GAB3: variants seen among roughly 807,000 people sequenced by gnomAD.
GAB3 encodes GRB2 associated binding protein 3.
Under a neutral mutation model 40.4 loss-of-function variants are expected in GAB3, and 12 were observed. The observed-to-expected ratio is 0.30, with a 90% CI of 0.19 to 0.48. The LOEUF (loss-of-function observed/expected upper bound fraction) is 0.48, where lower values mean the gene tolerates loss of function less well. Among genes scored for constraint, GAB3 ranks in the 20% least tolerant of loss-of-function variants. GAB3 has a pLI of 0.99. For missense variants in GAB3, 381 were observed against 461.9 expected (o/e 0.82, Z 1.61); for synonymous variants, 154 against 176.7 (o/e 0.87, Z 1.02).
chrX:154,710,442 TGGACAAG>T (rs1557255551), intron 4 of GAB3, among the ~76,000 whole-genome samples: 20 of 111,935 alleles, frequency 1.8e-4, no homozygotes, highest in African/African-American at 6.5e-4. Context: ...TGGTGCAAGC[TGGACAAG>T]TAGGCTCCAA....
At chrX:154,746,697 C>T (rs2071534493) in intron 1 of GAB3, among the ~76,000 whole-genome samples, 1 of 112,480 alleles carries the variant, frequency 8.9e-6, no homozygotes, top group African/African-American at 3.2e-5. Context: ...TTCTATGCAA[C>T]ATTTATAGTA....
intron 8 of GAB3, among the ~76,000 whole-genome samples, chrX:154,694,075 A>G (rs2070613557): frequency 8.9e-6 from 1 of 111,902 alleles, no homozygotes; most frequent in African/African-American, 3.3e-5. Flanking sequence ...CACAAAATCA[A>G]AGTCAAATCA....
At chrX:154,694,385 TTC>T (rs2070619101) in intron 8 of GAB3, among the ~76,000 whole-genome samples, 1 of 109,129 alleles carries the variant, frequency 9.2e-6, no homozygotes, top group African/African-American at 3.3e-5. Context: ...ACACTGATCT[TTC>T]TCTGTTTTTT....
At chrX:154,721,880 C>G in intron 1 of GAB3, among the ~76,000 whole-genome samples, 1 of 111,372 alleles carries the variant, frequency 9.0e-6, no homozygotes, top group Non-Finnish European at 1.9e-5. Flanking sequence ...GAAATTAGAC[C>G]TACCACATGA....
intron 1 of GAB3, among the ~76,000 whole-genome samples, chrX:154,731,020 C>T (rs1378875189): frequency 8.9e-6 from 1 of 112,157 alleles, no homozygotes; most frequent in Non-Finnish European, 1.9e-5. Context: ...GATAAGTACA[C>T]CAAGAGGTCT....
intron 4 of GAB3, among the ~76,000 whole-genome samples, chrX:154,709,978 C>T (rs1328241763): frequency 5.4e-5 from 6 of 111,995 alleles, no homozygotes; most frequent in African/African-American, 2.0e-4. Flanking sequence ...AAGGTACAAA[C>T]TTTCAGTGAT....
intron 1 of GAB3, among the ~76,000 whole-genome samples, chrX:154,744,315 G>A (rs1439818203): frequency 2.8e-5 from 3 of 107,488 alleles, no homozygotes; most frequent in African/African-American, 1.0e-4. Flanking sequence ...AGAGAGGTTA[G>A]AAGTAAAAGA....
At chrX:154,685,837 G>A (rs1374043906) in intron 8 of GAB3, among the ~76,000 whole-genome samples, 1 of 111,758 alleles carries the variant, frequency 8.9e-6, no homozygotes, top group African/African-American at 3.2e-5. Flanking sequence ...TTACATAAAT[G>A]GTGCCAACCA....
At chrX:154,690,105 C>T (rs1202677061) in intron 8 of GAB3, among the ~76,000 whole-genome samples, 3 of 108,383 alleles carry the variant, frequency 2.8e-5, no homozygotes, top group African/African-American at 1.0e-4. Context: ...CCCTCAGAAA[C>T]AACGCCGCAT....
At chrX:154,747,467 AT>A (rs1258341039) in intron 1 of GAB3, among the ~76,000 whole-genome samples, 5 of 112,568 alleles carry the variant, frequency 4.4e-5, no homozygotes, top group Non-Finnish European at 9.4e-5. Flanking sequence ...TGGATCATAG[AT>A]CTAAATATAA....
rs1183408286 is a variant in GAB3, at chrX:154,712,381, T to C, written c.917A>G (p.Asn306Ser). ...CTTAGGGGGGCGGGGAGGTGGAGTG[T>C]TGGACATAATGTCTAGTTCTTTTGC... ...CGAKELDIMS[N>S]TPPPRPPKPS... Residue 306 changes from asparagine (N) to serine (S), a missense_variant, in exon 4 of 10, where the codon AAC becomes AGC. By Grantham distance (46) the Asn-to-Ser change is conservative (BLOSUM62 1). This residue lies in a region of GAB3 where 364 missense variants were observed against 421.0 expected (regional missense o/e 0.86). Coordinates refer to ENST00000424127, the MANE Select transcript of GAB3 (RefSeq NM_001081573.3). The C allele has an allele frequency of 4.1e-6, 5 of 1,209,846 alleles. No homozygotes were observed. The African/African-American group carries it at 8.8e-5, about 21-fold the overall frequency.
rs782474584 is a variant in GAB3, at chrX:154,696,575, C to T, written c.1428-556G>A. Among the ~76,000 whole-genome samples, 18 of 111,772 alleles carry T rather than the reference C, an allele frequency of 1.6e-4. 1 individual carries two copies. In the South Asian group the frequency reaches 6.9e-3, roughly 43 times the overall value. ...AAGCTCAGGACTAAAAATGCAACTT[C>T]TAAAAGGTGAGATGAAAGGGTGCAA... On this transcript the variant is annotated intron_variant, in intron 7 of 9. Coordinates refer to ENST00000424127, the MANE Select transcript of GAB3 (RefSeq NM_001081573.3).
intron 8 of GAB3, among the ~76,000 whole-genome samples, chrX:154,686,769 G>A (rs1225588561): frequency 9.1e-6 from 1 of 110,299 alleles, no homozygotes; most frequent in Non-Finnish European, 1.9e-5. Context: ...GTCATTGGAA[G>A]CTGAAATTTA....
chrX:154,728,760 G>A (rs1040220025), intron 1 of GAB3, among the ~76,000 whole-genome samples: 6 of 112,324 alleles, frequency 5.3e-5, no homozygotes, highest in East Asian at 2.8e-4. Context: ...AGGCAAGGAC[G>A]TTGCCCATCT....
intron 1 of GAB3, among the ~76,000 whole-genome samples, chrX:154,729,243 AG>A (rs2071258704): frequency 8.9e-6 from 1 of 112,496 alleles, no homozygotes; most frequent in South Asian, 3.6e-4. Context: ...GCAAATAAAA[AG>A]CACAATAAGA....
At chrX:154,697,065 A>C (rs1258730690) in intron 7 of GAB3, 67 bp downstream of exon 7, 3 of 913,441 alleles carry the variant, frequency 3.3e-6, no homozygotes, top group East Asian at 3.1e-5. Flanking sequence ...AACTACATTT[A>C]ATCAGAGGCC....
intron 1 of GAB3, among the ~76,000 whole-genome samples, chrX:154,724,176 G>A (rs781865884): frequency 1.5e-4 from 16 of 109,669 alleles, no homozygotes; most frequent in African/African-American, 4.7e-4. Flanking sequence ...GTGAAACCCC[G>A]TCTCTACTAA....
chrX:154,697,016 T>C, intron 7 of GAB3, 116 bp downstream of exon 7: 1 of 553,716 alleles, frequency 1.8e-6, no homozygotes, highest in Non-Finnish European at 3.0e-6. Flanking sequence ...ATAATAAACC[T>C]CACCCCTCCT....
chrX:154,685,307 G>A (rs2070432103), intron 8 of GAB3, among the ~76,000 whole-genome samples: 3 of 110,722 alleles, frequency 2.7e-5, no homozygotes, highest in Middle Eastern at 4.6e-3. Flanking sequence ...TAATTTGGGG[G>A]GTTGCTGTTT....
Sources: allele counts gnomAD v4.1 joint callset (sites outside exome capture counted in the v4.1 genomes callset), GRCh38; gene constraint gnomAD v4.1.1; regional missense constraint gnomAD v4.1.1; transcripts MANE v1.5; gene names NCBI Gene and HGNC (gene_info 2026-07-23, HGNC 2026-07-21).